Variants in FRMD4A observed in about 807,000 individuals in gnomAD.
The protein encoded by FRMD4A is FERM domain containing 4A.
In FRMD4A, 29 loss-of-function variants were observed where a neutral mutation model predicts 129.1. The ratio of observed to expected loss-of-function variants is 0.22; its 90% CI spans 0.17 to 0.31. The LOEUF (loss-of-function observed/expected upper bound fraction) is 0.31, where lower values mean the gene tolerates loss of function less well. Among genes scored for constraint, FRMD4A ranks in the 10% least tolerant of loss-of-function variants. The pLI, the probability that FRMD4A is intolerant of heterozygous loss-of-function variation, is 1.00. For synonymous variants in FRMD4A, 634 were observed against 571.6 expected (o/e 1.11, Z -1.56); for missense variants, 1,272 against 1,375.8 (o/e 0.92, Z 1.19).
At chr10:14,070,771 C>T (rs1375552267) in intron 2 of FRMD4A, among the ~76,000 whole-genome samples, 1 of 152,174 alleles carries the variant, frequency 6.6e-6, no homozygotes, top group Non-Finnish European at 1.5e-5. Context: ...GGGATTATGA[C>T]AGTGAAAAAA....
intron 2 of FRMD4A, among the ~76,000 whole-genome samples, chr10:14,240,761 G>A (rs535051865): frequency 7.2e-5 from 11 of 152,192 alleles, no homozygotes; most frequent in Non-Finnish European, 1.3e-4. Context: ...GGTAACATTC[G>A]GCTTCATTCT....
intron 2 of FRMD4A, among the ~76,000 whole-genome samples, chr10:14,094,120 G>A (rs1173170829): frequency 6.6e-6 from 1 of 152,250 alleles, no homozygotes; most frequent in East Asian, 1.9e-4. Context: ...GGAAGGAGCA[G>A]CTCAGGTGAG....
intron 2 of FRMD4A, among the ~76,000 whole-genome samples, chr10:14,106,038 T>C (rs936126858): frequency 5.9e-5 from 9 of 152,234 alleles, no homozygotes; most frequent in Admixed American, 5.2e-4. Flanking sequence ...TTGTCATTCT[T>C]ATTCTATCAT....
At chr10:14,103,945 G>A (rs764638074) in intron 2 of FRMD4A, among the ~76,000 whole-genome samples, 24 of 152,196 alleles carry the variant, frequency 1.6e-4, no homozygotes, top group Non-Finnish European at 3.1e-4. Context: ...CGTACCGTCA[G>A]CGATTCCTAC....
chr10:13,681,488 A>G (rs1336410777), intron 15 of FRMD4A, among the ~76,000 whole-genome samples: 11 of 152,146 alleles, frequency 7.2e-5, no homozygotes, highest in Non-Finnish European at 1.3e-4. Flanking sequence ...TCCAAACATG[A>G]GTTGGTGTAG....
chr10:14,007,117 C>T (rs1471381437), intron 2 of FRMD4A: 1 of 152,012 alleles, frequency 6.6e-6, no homozygotes, highest in East Asian at 1.9e-4. Context: ...CAGTTCTGAT[C>T]TTCTTTATAA....
intron 3 of FRMD4A, among the ~76,000 whole-genome samples, chr10:13,814,131 A>G (rs996515977): frequency 2.0e-5 from 3 of 152,228 alleles, no homozygotes; most frequent in Non-Finnish European, 4.4e-5. Context: ...AGTCAAGTCT[A>G]GTGAACAGAG....
At chr10:13,925,943 A>G (rs1317691574) in intron 2 of FRMD4A, among the ~76,000 whole-genome samples, 1 of 149,910 alleles carries the variant, frequency 6.7e-6, no homozygotes, top group Non-Finnish European at 1.5e-5. Context: ...TCAAGTTATC[A>G]ATCAGTACAT....
At chr10:14,029,627 C>T (rs11258811) in intron 2 of FRMD4A, among the ~76,000 whole-genome samples, 19,500 of 152,088 alleles carry the variant, frequency 0.13, 1,580 homozygotes, top group African/African-American at 0.23. Flanking sequence ...GGTGATCAGA[C>T]CACCACACAG....
At chr10:13,834,488 C>T (rs1178554727) in intron 3 of FRMD4A, among the ~76,000 whole-genome samples, 2 of 152,212 alleles carry the variant, frequency 1.3e-5, no homozygotes, top group Non-Finnish European at 2.9e-5. Flanking sequence ...GGTGAGATAT[C>T]AAGCCCCTTC....
intron 2 of FRMD4A, among the ~76,000 whole-genome samples, chr10:13,948,588 G>T (rs1423661940): frequency 6.6e-6 from 1 of 151,866 alleles, no homozygotes; most frequent in African/African-American, 2.4e-5. Flanking sequence ...GGGCAAAAAG[G>T]GTCTGAGCAG....
intron 2 of FRMD4A, among the ~76,000 whole-genome samples, chr10:14,141,814 CATGTGT>C: frequency 6.6e-6 from 1 of 152,034 alleles, no homozygotes; most frequent in South Asian, 2.1e-4. Context: ...TACGTGTGCA[CATGTGT>C]GTGTGTGCCT....
rs576455961 is a variant in FRMD4A at position 13,687,434 on chromosome 10, C to T, written c.1117+6464G>A. ...TGTGTCTTCACCTACAAAGATACAC[C>T]CAGTTATTGTTGCTTTGTTGTTGTT... On this transcript the variant is annotated intron_variant, in intron 15 of 24. Coordinates refer to ENST00000357447, the MANE Select transcript of FRMD4A (RefSeq NM_018027.5). Among the ~76,000 whole-genome samples, 65 of 151,990 alleles carry T rather than the reference C, an allele frequency of 4.3e-4. 1 individual carries two copies. The highest frequency in any genetic ancestry group is 1.6e-3 in the African/African-American group (65 of 41,358).
Position 13,949,218 on chromosome 10 carries a change from T to C in FRMD4A, c.46-90306A>G, listed in dbSNP as rs192732851. Among the ~76,000 whole-genome samples, 232 of 150,988 alleles carry C rather than the reference T, an allele frequency of 1.5e-3. 1 individual carries two copies. The highest frequency in any genetic ancestry group is 5.5e-3 in the African/African-American group (223 of 40,824). On this transcript the variant is annotated intron_variant, in intron 2 of 24. Transcript: ENST00000357447. ...AACTCAGTAAAGGCAGGTTCTGCTATTGACAATCAGGGTGAAAGACGTTGT... is the reference window on the plus strand; with the variant it reads ...AACTCAGTAAAGGCAGGTTCTGCTACTGACAATCAGGGTGAAAGACGTTGT...
intron 7 of FRMD4A, 129 bp downstream of exon 7, chr10:13,762,495 C>T (rs2092115009): frequency 1.6e-6 from 1 of 629,988 alleles, no homozygotes. Flanking sequence ...CTCTATGCAG[C>T]TTGTGGCTAA....
At chr10:14,043,633 A>G (rs2131677277) in intron 2 of FRMD4A, among the ~76,000 whole-genome samples, 1 of 152,260 alleles carries the variant, frequency 6.6e-6, no homozygotes, top group East Asian at 1.9e-4. Flanking sequence ...CACCTGCTCT[A>G]ACTTCTGTCC....
At chr10:13,996,095 T>C (rs1486671455) in intron 2 of FRMD4A, among the ~76,000 whole-genome samples, 1 of 152,190 alleles carries the variant, frequency 6.6e-6, no homozygotes, top group Non-Finnish European at 1.5e-5. Context: ...AAGCAAAACT[T>C]TCTTCCTGTG....
intron 2 of FRMD4A, among the ~76,000 whole-genome samples, chr10:14,213,849 G>A (rs1842996504): frequency 6.6e-6 from 1 of 152,336 alleles, no homozygotes; most frequent in African/African-American, 2.4e-5. Flanking sequence ...AAGTTCTCAT[G>A]GTAGTGAATA....
intron 2 of FRMD4A, among the ~76,000 whole-genome samples, chr10:13,869,141 G>A (rs2094410339): frequency 6.6e-6 from 1 of 152,142 alleles, no homozygotes; most frequent in South Asian, 2.1e-4. Flanking sequence ...GGACCCAGCG[G>A]TCTATGTGAT....
Sources: gnomAD v4.1 joint callset for allele counts (sites outside exome capture counted in the v4.1 genomes callset) on GRCh38, gnomAD v4.1.1 for gene constraint, MANE v1.5 for transcripts, NCBI Gene and HGNC (gene_info 2026-07-23, HGNC 2026-07-21) for gene names.